C5orf24: variants seen among roughly 807,000 people sequenced by gnomAD.
C5orf24 encodes chromosome 5 open reading frame 24, also known as UPF0461 protein C5orf24.
In C5orf24, 4 loss-of-function variants were observed where a neutral mutation model predicts 9.8. The observed-to-expected ratio is 0.41, with a 90% confidence interval of 0.20 to 0.93. C5orf24 has a LOEUF of 0.93. C5orf24 is among the 40% of genes least tolerant of loss of function. C5orf24 has a pLI of 0.33. For synonymous variants in C5orf24, 73 were observed against 81.3 expected (o/e 0.90, Z 0.55); for missense variants, 170 against 236.9 (o/e 0.72, Z 1.85).
upstream of C5orf24, among the ~76,000 whole-genome samples, chr5:134,845,508 CT>C (rs1755966785): frequency 6.6e-6 from 1 of 152,202 alleles, no homozygotes; most frequent in Admixed American, 6.5e-5. Flanking sequence ...TTGTTCCATC[CT>C]TTCCTGTGAT....
chr5:134,858,129 A>C lies in C5orf24; in HGVS notation c.*2662A>C, dbSNP rs1756359948. ...CAGCAGCTATGTCCCAGGAAAAAAA[A>C]ATGGGAGGGGCAAATGGCTACAGTT... On this transcript the variant is annotated 3_prime_UTR_variant, in exon 2 of 2. Coordinates refer to ENST00000394976, the MANE Select transcript of C5orf24 (RefSeq NM_001135586.1). 2 of 167,076 alleles carry C rather than the reference A, an allele frequency of 1.2e-5. No homozygotes were observed. The highest frequency in any genetic ancestry group is 4.1e-4 in the South Asian group (2 of 4,834). The allele number at this position is 167,076 out of a possible 1,614,324, so 10.3% of individuals were successfully genotyped here. A position where few individuals can be genotyped will look rare whatever the true frequency, so the allele number is the denominator to read the frequency against.
upstream of C5orf24, among the ~76,000 whole-genome samples, chr5:134,841,680 G>A (rs1755895607): frequency 6.6e-6 from 1 of 152,114 alleles, no homozygotes; most frequent in South Asian, 2.1e-4. Context: ...CAGAATCCAG[G>A]ATCCAGACTG....
chr5:134,844,434 C>T (rs934488875), upstream of C5orf24, among the ~76,000 whole-genome samples: 7 of 151,948 alleles, frequency 4.6e-5, no homozygotes, highest in African/African-American at 4.8e-5. Flanking sequence ...AGTCTCCTTC[C>T]TCCTATCTCA....
intron 1 of C5orf24, among the ~76,000 whole-genome samples, chr5:134,850,992 A>ATT (rs1241786522): frequency 1.5e-4 from 22 of 147,626 alleles, no homozygotes; most frequent in South Asian, 6.3e-4. Flanking sequence ...ACAGAAATAC[A>ATT]TATATTTATT....
upstream of C5orf24, among the ~76,000 whole-genome samples, chr5:134,844,505 C>G (rs747908447): frequency 8.5e-5 from 13 of 152,122 alleles, no homozygotes; most frequent in Admixed American, 4.6e-4. Flanking sequence ...TCACCACACC[C>G]AGCTAATTGT....
chr5:134,846,173 C>G lies in C5orf24; in HGVS notation c.-43C>G, dbSNP rs1299841085. 2 of 152,352 alleles carry G rather than the reference C, an allele frequency of 1.3e-5. No individual in the cohort carries two copies. The highest frequency in any genetic ancestry group is 1.3e-4 in the Admixed American group (2 of 15,282). 9.4% of individuals were successfully genotyped at this position (152,352 alleles called of 1,614,324 possible). A position where few individuals can be genotyped will look rare whatever the true frequency, so the allele number is the denominator to read the frequency against. On this transcript the variant is annotated 5_prime_UTR_variant, in exon 1 of 2. Coordinates refer to ENST00000394976, the MANE Select transcript of C5orf24 (RefSeq NM_001135586.1). ...CACGAGGTTCCCAGCCGCTGGGAAG[C>G]CCCTAGACGCGCCGAGGGGCCGGGC...
intron 1 of C5orf24, 61 bp from the exon 2 acceptor site, chr5:134,854,837 T>C (rs1366685470): frequency 6.5e-7 from 1 of 1,543,324 alleles, no homozygotes; most frequent in African/African-American, 1.4e-5. Context: ...CACTGAATGC[T>C]GCATACAGGT....
the C5orf24 span, among the ~76,000 whole-genome samples, chr5:134,836,886 G>A: frequency 1.3e-5 from 2 of 152,110 alleles, no homozygotes; most frequent in African/African-American, 4.8e-5. Flanking sequence ...TATTGTTACT[G>A]TATTGGTATA....
chr5:134,844,743 G>GT (rs991271320), upstream of C5orf24, among the ~76,000 whole-genome samples: 1 of 151,614 alleles, frequency 6.6e-6, no homozygotes, highest in African/African-American at 2.4e-5. Context: ...TGTTGTTGTT[G>GT]TTGTTTGTTT....
chr5:134,846,039 T>C lies in C5orf24; in HGVS notation c.-177T>C, dbSNP rs1038325267. On this transcript the variant is annotated 5_prime_UTR_variant, in exon 1 of 2. Coordinates refer to ENST00000394976, the MANE Select transcript of C5orf24 (RefSeq NM_001135586.1). ...GACCGTGCGCGGCGGCCGCGGCGGG[T>C]GCTGGGAGCCAGCGCCTGCCTCGCC... 6.6e-6 allele frequency: 1 copy of C among 152,142 alleles called. No individual in the cohort carries two copies. Among genetic ancestry groups the C allele is most frequent in the African/African-American group, 2.4e-5 (1 of 41,418 alleles). The allele number at this position is 152,142 out of a possible 1,614,324, so 9.4% of individuals were successfully genotyped here.
chr5:134,842,188 C>T (rs1427400879), upstream of C5orf24, among the ~76,000 whole-genome samples: 1 of 152,010 alleles, frequency 6.6e-6, no homozygotes, highest in African/African-American at 2.4e-5. Context: ...TTGTCTGCTC[C>T]ATTGAATCTA....
chr5:134,854,169 C>T (rs1197322926), intron 1 of C5orf24, among the ~76,000 whole-genome samples: 2 of 152,196 alleles, frequency 1.3e-5, no homozygotes, highest in Non-Finnish European at 2.9e-5. Flanking sequence ...AATGTTCACT[C>T]ATTTTAGCTA....
chr5:134,856,777 A>T lies in C5orf24; in HGVS notation c.*1310A>T, dbSNP rs536068033. ...TAGCACTTACTGTGTTTTCAGGTTG[A>T]TATCTACCAAAGGACACAAATTGAA... On this transcript the variant is annotated 3_prime_UTR_variant, in exon 2 of 2. Coordinates refer to ENST00000394976, the MANE Select transcript of C5orf24 (RefSeq NM_001135586.1). 1.0e-6 allele frequency: 1 copy of T among 1,000,026 alleles called. No homozygotes were observed. Among genetic ancestry groups the T allele is most frequent in the African/African-American group, 1.7e-5 (1 of 57,250 alleles). 61.9% of individuals were successfully genotyped at this position (1,000,026 alleles called of 1,614,324 possible).
chr5:134,835,248 T>C, the C5orf24 span, among the ~76,000 whole-genome samples: 6 of 150,726 alleles, frequency 4.0e-5, no homozygotes, highest in Non-Finnish European at 8.9e-5. Context: ...ATGATACACA[T>C]TTAAGTTTGA....
At chr5:134,834,931 C>A in the C5orf24 span, among the ~76,000 whole-genome samples, 2 of 152,098 alleles carry the variant, frequency 1.3e-5, no homozygotes, top group Non-Finnish European at 2.9e-5. Flanking sequence ...GTAGTCCCAG[C>A]TACTCGGGAG....
rs976675866 is a variant in C5orf24, at chr5:134,855,148, A to C, written c.248A>C (p.Asn83Thr). 8.7e-6 allele frequency: 14 copies of C among 1,614,014 alleles called. No homozygotes were observed. In the African/African-American group the frequency reaches 1.7e-4, roughly 20 times the overall value. Residue 83 changes from asparagine to threonine, a missense_variant, in exon 2 of 2, where the codon AAT becomes ACT. By Grantham distance (65) the Asn-to-Thr change is moderately conservative. Transcript: ENST00000394976. Reference protein sequence around the residue: ...EIKDELKKKKNLNRSGKRGRP... With the variant: ...EIKDELKKKKTLNRSGKRGRP... ...AAAGATGAACTAAAGAAAAAGAAGAATCTCAACCGATCTGGTAAGCGTGGC... is the reference window on the plus strand; with the variant it reads ...AAAGATGAACTAAAGAAAAAGAAGACTCTCAACCGATCTGGTAAGCGTGGC...
chr5:134,854,747 G>C lies in C5orf24; in HGVS notation c.-3-151G>C, dbSNP rs550066488. ...TCCTTGAATCTGCTGATGTGTGTTT[G>C]TTTATAAGTGGTCTGGAGTCCTGCC... On this transcript the variant is annotated intron_variant, in intron 1 of 1. Transcript: ENST00000394976. Among the ~76,000 whole-genome samples the C allele has an allele frequency of 2.0e-5, 3 of 152,292 alleles. No homozygotes were observed. The East Asian group carries it at 5.8e-4, about 29-fold the overall frequency.
At position 134,855,397 on chromosome 5, in the gene C5orf24, C is replaced by T; in HGVS notation, c.497C>T (p.Pro166Leu). ...YGCGTAAFPY[P>L]MMHGRAVHGV... ...TGTGGCACTGCTGCTTTTCCTTACC[C>T]TATGATGCATGGCAGAGCAGTTCAT... The change falls in exon 2 of 2, where the codon CCT becomes CTT. Residue 166 changes from proline (P) to leucine (L), a missense_variant. By Grantham distance (98) the Pro-to-Leu change is moderately conservative (BLOSUM62 -3). Around this residue, in one of 3 missense-constraint regions of C5orf24, gnomAD observed 56 missense variants for 60.3 expected, o/e 0.93. Transcript: ENST00000394976. 6.2e-7 allele frequency: 1 copy of T among 1,614,182 alleles called. No individual in the cohort carries two copies. Among genetic ancestry groups the T allele is most frequent in the Middle Eastern group, 1.6e-4 (1 of 6,062 alleles).
At chr5:134,836,168 C>CTTTTTTTTTT in the C5orf24 span, among the ~76,000 whole-genome samples, 2 of 86,434 alleles carry the variant, frequency 2.3e-5, no homozygotes, top group Non-Finnish European at 4.3e-5. Context: ...CATTGAGAAG[C>CTTTTTTTTTT]TTTTTTTTTT....
Sources: gnomAD v4.1 joint callset for allele counts (sites outside exome capture counted in the v4.1 genomes callset) on GRCh38, gnomAD v4.1.1 for gene constraint, gnomAD v4.1.1 regional missense constraint, MANE v1.5 for transcripts, NCBI Gene and HGNC (gene_info 2026-07-23, HGNC 2026-07-21) for gene names.